TAF5L: variants seen among roughly 807,000 people sequenced by gnomAD.
TAF5L encodes the protein TATA-box binding protein associated factor 5 like.
In TAF5L, 7 loss-of-function variants were observed where a neutral mutation model predicts 51.3. That is an observed-to-expected ratio of 0.14 (90% CI 0.08 to 0.26). TAF5L has a LOEUF of 0.26. Ranked by LOEUF, TAF5L falls within the 10% of genes least tolerant of loss-of-function variation. The probability of loss-of-function intolerance (pLI) is 1.00; values close to 1 mark genes in which losing one functional copy is unlikely to be tolerated. For synonymous variants in TAF5L, 291 were observed against 308.1 expected (o/e 0.94, Z 0.58); for missense variants, 575 against 758.9 (o/e 0.76, Z 2.85).
At position 229,602,178 on chromosome 1, in the gene TAF5L, A is replaced by G; in HGVS notation, c.972+17T>C. The G allele has an allele frequency of 6.2e-7, 1 of 1,603,344 alleles. No individual in the cohort carries two copies. The highest frequency in any genetic ancestry group is 8.5e-7 in the Non-Finnish European group (1 of 1,172,830). ...TTAGGAAGGCGGGTGCAGGGAAGAA[A>G]AAAATGGTATTCATACCTCCTCCTC... On this transcript the variant is annotated intron_variant, in intron 4 of 4. Coordinates refer to ENST00000258281, the Ensembl canonical transcript of TAF5L. The surrounding 1 kb of genome is among the most constrained non-coding windows in gnomAD (Gnocchi z 4.6).
At chr1:229,608,402 GA>G (rs1018622415) in intron 3 of TAF5L, among the ~76,000 whole-genome samples, 9 of 151,774 alleles carry the variant, frequency 5.9e-5, no homozygotes, top group African/African-American at 1.9e-4. Flanking sequence ...TATTATGTTT[GA>G]AAAAAAGGAA....
At chr1:229,593,967 A>C (rs906990785) in exon 5 of TAF5L, 2 of 250,426 alleles carry the variant, frequency 8.0e-6, no homozygotes, top group African/African-American at 4.5e-5. Context: ...CCCTCTAACC[A>C]AACCTAGCCC....
intron 2 of TAF5L, 37 bp from the exon 3 acceptor site, chr1:229,610,247 CAG>C (rs1349565644): frequency 3.8e-6 from 6 of 1,596,860 alleles, no homozygotes; most frequent in South Asian, 1.1e-5. Flanking sequence ...GGGCGGGAAA[CAG>C]AGAGACGATT....
intron 1 of TAF5L, among the ~76,000 whole-genome samples, chr1:229,615,112 G>C (rs1222467151): frequency 1.3e-5 from 2 of 152,074 alleles, no homozygotes; most frequent in African/African-American, 4.8e-5. Flanking sequence ...TTTTGAGACA[G>C]AGTCTCGCTC....
intron 1 of TAF5L, among the ~76,000 whole-genome samples, chr1:229,622,594 ATAAAAT>A (rs1405240264): frequency 6.6e-6 from 1 of 152,186 alleles, no homozygotes; most frequent in Non-Finnish European, 1.5e-5. Flanking sequence ...TAAAAGTAAA[ATAAAAT>A]AAAAATAAAA....
chr1:229,620,956 ATGTGTGTGTG>A (rs60562331), intron 1 of TAF5L, among the ~76,000 whole-genome samples: 28 of 150,018 alleles, frequency 1.9e-4, no homozygotes, highest in Admixed American at 1.7e-3. Flanking sequence ...TAAAACATTT[ATGTGTGTGTG>A]TGTGTGTGTG....
Position 229,625,780 on chromosome 1 carries a change from A to G in TAF5L, c.-4+105T>C, listed in dbSNP as rs1253962572. 7 of 97,344 alleles carry G rather than the reference A, an allele frequency of 7.2e-5. No individual in the cohort carries two copies. The highest frequency in any genetic ancestry group is 2.7e-4 in the African/African-American group (7 of 25,766). 6.0% of individuals were successfully genotyped at this position (97,344 alleles called of 1,614,324 possible). ...CCCCCACCGCCCGCCGGCGGGAGCC[A>G]AGGCGCGCCCCGCCGAGGCCCCACC... On this transcript the variant is annotated intron_variant, in intron 1 of 4. Coordinates refer to ENST00000258281, the Ensembl canonical transcript of TAF5L. This position sits in a 1 kb window ranked among gnomAD's most constrained non-coding sequence, Gnocchi z 4.0.
In TAF5L at chr1:229,602,958, A is replaced by T; in HGVS notation, c.248-39T>A. ...AAAAGAAGGCTTTATAATCAGCATAATCTTACAGAATAACGTGATCCCTCC... is the reference window on the plus strand; with the variant it reads ...AAAAGAAGGCTTTATAATCAGCATATTCTTACAGAATAACGTGATCCCTCC... On this transcript the variant is annotated intron_variant, in intron 3 of 4. Transcript: ENST00000258281. This position sits in a 1 kb window ranked among gnomAD's most constrained non-coding sequence, Gnocchi z 4.6. 6.5e-7 allele frequency: 1 copy of T among 1,537,718 alleles called. No individual in the cohort carries two copies. Among genetic ancestry groups the T allele is most frequent in the Non-Finnish European group, 8.7e-7 (1 of 1,153,306 alleles).
At position 229,602,243 on chromosome 1, in the gene TAF5L, T is replaced by C. The variant is rs1664403771; in HGVS notation, c.924A>G (p.Gln308=). Reference sequence around the variant, plus strand: ...CCAAATGGATGCGGGACACGTCTACTTGGTGGGGCTCTGATTTTAACTTCT... The same window carrying C: ...CCAAATGGATGCGGGACACGTCTACCTGGTGGGGCTCTGATTTTAACTTCT... The change falls in exon 4 of 5, where the codon CAA becomes CAG. Residue 308 remains glutamine, a synonymous_variant. Transcript: ENST00000258281. This position sits in a 1 kb window ranked among gnomAD's most constrained non-coding sequence, Gnocchi z 4.6. The C allele has an allele frequency of 1.9e-6, 3 of 1,614,210 alleles. No homozygotes were observed. Among genetic ancestry groups the C allele is most frequent in the Admixed American group, 1.7e-5 (1 of 60,018 alleles).
In TAF5L at chr1:229,613,754, T is replaced by C. The variant is rs139277303; in HGVS notation, c.142+587A>G. Among the ~76,000 whole-genome samples the C allele has an allele frequency of 3.8e-3, 577 of 152,340 alleles. 4 individuals carry two copies. Among genetic ancestry groups the C allele is most frequent in the African/African-American group, 0.013 (556 of 41,564 alleles). On this transcript the variant is annotated intron_variant, in intron 2 of 4. Transcript: ENST00000258281. Reference sequence around the variant, plus strand: ...GAGGGGTCCTGGAACCAATCCTTTATGGATACTGAGGGATGACTATACTTA... The same window carrying C: ...GAGGGGTCCTGGAACCAATCCTTTACGGATACTGAGGGATGACTATACTTA...
intron 3 of TAF5L, among the ~76,000 whole-genome samples, chr1:229,605,284 TTTAAGTA>T (rs1411502638): frequency 1.3e-5 from 2 of 152,160 alleles, no homozygotes; most frequent in Non-Finnish European, 2.9e-5. Context: ...TATCATAGTA[TTTAAGTA>T]TTGTTAACTT....
Position 229,606,093 on chromosome 1 carries a change from T to C in TAF5L, c.248-3174A>G, listed in dbSNP as rs1021785879. 1.0e-5 allele frequency: 10 copies of C among 971,936 alleles called. No homozygotes were observed. In the African/African-American group the frequency reaches 1.8e-4, roughly 17 times the overall value. 60.2% of individuals were successfully genotyped at this position (971,936 alleles called of 1,614,324 possible). ...AGAAAAAAACCTAGCTATCAAGAAA[T>C]AGTGATGTACTACTTTAAAACTTAC... On this transcript the variant is annotated intron_variant, in intron 3 of 4. Coordinates refer to ENST00000258281, the Ensembl canonical transcript of TAF5L.
chr1:229,593,913 G>A (rs1010768902), exon 5 of TAF5L: 2 of 194,542 alleles, frequency 1.0e-5, no homozygotes, highest in Middle Eastern at 2.3e-3. Flanking sequence ...TGGACCATGC[G>A]TGACCCCTGC....
chr1:229,618,013 G>T (rs1051243283), intron 1 of TAF5L, among the ~76,000 whole-genome samples: 8 of 151,988 alleles, frequency 5.3e-5, no homozygotes, highest in Middle Eastern at 3.2e-3. Context: ...AACTCAGCTG[G>T]GTTTTATTCC....
exon 5 of TAF5L, chr1:229,593,247 G>A (rs1190124412): frequency 1.3e-5 from 2 of 152,096 alleles, no homozygotes; most frequent in African/African-American, 2.4e-5. Context: ...ATATGCGTGC[G>A]TACATACTTA....
chr1:229,611,040 T>C (rs1221743311), intron 2 of TAF5L, among the ~76,000 whole-genome samples: 1 of 151,944 alleles, frequency 6.6e-6, no homozygotes, highest in African/African-American at 2.4e-5. Context: ...CTCTGGGTGG[T>C]GAGGCTCATC....
At chr1:229,598,140 T>C (rs1345498235) in intron 4 of TAF5L, among the ~76,000 whole-genome samples, 2 of 152,218 alleles carry the variant, frequency 1.3e-5, no homozygotes, top group African/African-American at 4.8e-5. Flanking sequence ...CTAGCATGAA[T>C]TGACATGTGC....
exon 5 of TAF5L, chr1:229,595,033 A>G (rs1664066748): frequency 6.2e-7 from 1 of 1,614,036 alleles, no homozygotes. Flanking sequence ...CGTGCTGTAC[A>G]CTGGTCCGCA....
intron 1 of TAF5L, among the ~76,000 whole-genome samples, chr1:229,617,514 A>G (rs1016426966): frequency 6.6e-6 from 1 of 152,208 alleles, no homozygotes; most frequent in African/African-American, 2.4e-5. Context: ...CTGACTTGGG[A>G]ATGCATGCAA....
Sources: gnomAD v4.1 joint callset for allele counts (sites outside exome capture counted in the v4.1 genomes callset) on GRCh38, gnomAD v4.1.1 for gene constraint, Gnocchi (gnomAD v3.1) non-coding constraint, MANE v1.5 for transcripts, NCBI Gene and HGNC (gene_info 2026-07-23, HGNC 2026-07-21) for gene names.